The following MYPN variants were observed in gnomAD, a reference collection of about 807,000 sequenced individuals.
MYPN encodes the protein myopalladin.
In MYPN, 63 loss-of-function variants were observed where a neutral mutation model predicts 129.4. That is an observed-to-expected ratio of 0.49 (90% confidence interval 0.40 to 0.60). The LOEUF (loss-of-function observed/expected upper bound fraction) is 0.60. Among genes scored for constraint, MYPN ranks in the 20% least tolerant of loss-of-function variants. The probability of loss-of-function intolerance (pLI) is 0.00; values close to 1 mark genes in which losing one functional copy is unlikely to be tolerated. For missense variants in MYPN, 1,596 were observed against 1,635.4 expected (o/e 0.98, Z 0.42); for synonymous variants, 629 against 600.9 (o/e 1.05, Z -0.68).
intron 19 of MYPN, among the ~76,000 whole-genome samples, chr10:68,208,020 TTC>T (rs1169307909): frequency 6.6e-6 from 1 of 152,228 alleles, no homozygotes; most frequent in Non-Finnish European, 1.5e-5. Flanking sequence ...TTTGCATTGT[TTC>T]TTTGAACCAC....
chr10:68,199,742 G>A (rs918773123), intron 17 of MYPN, among the ~76,000 whole-genome samples, 167 bp downstream of exon 17: 2 of 152,066 alleles, frequency 1.3e-5, no homozygotes, highest in African/African-American at 2.4e-5. Flanking sequence ...TCAAAAACAT[G>A]CCAGTAATCT....
intron 3 of MYPN, 146 bp downstream of exon 3, chr10:68,143,261 G>C: frequency 1.4e-6 from 1 of 713,100 alleles, no homozygotes; most frequent in South Asian, 1.8e-5. Context: ...AAAATACTTA[G>C]GCTCATTTAC....
chr10:68,113,426 T>C (rs1012569126), intron 1 of MYPN, among the ~76,000 whole-genome samples: 1 of 152,200 alleles, frequency 6.6e-6, no homozygotes, highest in African/African-American at 2.4e-5. Flanking sequence ...CTAGGTGCGG[T>C]GGCTCATGCC....
intron 1 of MYPN, among the ~76,000 whole-genome samples, chr10:68,112,735 T>G (rs1383207915): frequency 1.3e-5 from 2 of 152,244 alleles, no homozygotes. Flanking sequence ...CCTCAAGTTC[T>G]TACTCTGGTA....
In MYPN at chr10:68,148,384, C is replaced by T. The variant is rs202210122; in HGVS notation, c.1162C>T (p.Pro388Ser). Residue 388 changes from proline (P) to serine (S), a missense_variant, in exon 5 of 20, where the codon CCC (proline) becomes TCC (serine). Coordinates refer to ENST00000358913, the MANE Select transcript of MYPN (RefSeq NM_032578.4). ...GAAGCCAAATGAGGTGTCATCTCCT[C>T]CCACTACCTCTGCAGTCATTCCTCC... ...IQKPNEVSSP[P>S]TTSAVIPPAV... is the part of the protein sequence containing the mutation. The T allele has an allele frequency of 6.2e-7, 1 of 1,614,060 alleles. No homozygotes were observed. Among genetic ancestry groups the T allele is most frequent in the African/African-American group, 1.3e-5 (1 of 75,016 alleles).
chr10:68,141,084 A>G (rs1325499308), intron 2 of MYPN, among the ~76,000 whole-genome samples: 1 of 151,638 alleles, frequency 6.6e-6, no homozygotes, highest in Non-Finnish European at 1.5e-5. Context: ...CCCCCCCAAA[A>G]AAAGGGCCAG....
intron 1 of MYPN, among the ~76,000 whole-genome samples, chr10:68,117,359 A>G (rs536472927): frequency 1.3e-5 from 2 of 152,276 alleles, no homozygotes; most frequent in East Asian, 3.9e-4. Context: ...TACAAAACAT[A>G]GTGAAGGAGA....
At chr10:68,122,549 T>C (rs569408530) in intron 2 of MYPN, among the ~76,000 whole-genome samples, 44 of 152,258 alleles carry the variant, frequency 2.9e-4, no homozygotes, top group African/African-American at 1.0e-3. Context: ...TTTTAAAAAC[T>C]AAAAAGAACC....
intron 2 of MYPN, among the ~76,000 whole-genome samples, chr10:68,132,301 A>G (rs185632084): frequency 3.3e-5 from 5 of 152,288 alleles, no homozygotes; most frequent in African/African-American, 1.2e-4. Context: ...TATTGATTTT[A>G]TAATGTTAAA....
chr10:68,172,233 T>A (rs1307754613), intron 10 of MYPN, among the ~76,000 whole-genome samples: 1 of 152,116 alleles, frequency 6.6e-6, no homozygotes, highest in Non-Finnish European at 1.5e-5. Context: ...CACGCACCTG[T>A]GGTCCCAGCT....
intron 2 of MYPN, among the ~76,000 whole-genome samples, chr10:68,133,505 C>G (rs997164131): frequency 6.6e-6 from 1 of 151,762 alleles, no homozygotes; most frequent in African/African-American, 2.4e-5. Flanking sequence ...GGTGAAGAAC[C>G]CTGAAGCTTC....
At chr10:68,119,413 ATTTAT>A (rs1418416984) in intron 1 of MYPN, among the ~76,000 whole-genome samples, 1 of 149,942 alleles carries the variant, frequency 6.7e-6, no homozygotes, top group Non-Finnish European at 1.5e-5. Flanking sequence ...TTATTTATTT[ATTTAT>A]TTATTTATTG....
In MYPN at chr10:68,204,314, C is replaced by T. The variant is rs140491809; in HGVS notation, c.3659+2320C>T. ...TTACAAACAAATGCATGAATTTCCA[C>T]GGCTATTGCCTCACCTCACTAAACT... is the stretch of plus-strand genomic sequence containing the variant. On this transcript the variant is annotated intron_variant, in intron 18 of 19. Transcript: ENST00000358913. 3.3e-3 allele frequency among the ~76,000 whole-genome samples: 496 copies of T among 152,348 alleles called. 3 individuals carry two copies. The highest frequency in any genetic ancestry group is 0.011 in the African/African-American group (461 of 41,580).
rs746600159 is a variant in MYPN, at chr10:68,210,297, C to G, written c.3805C>G (p.His1269Asp). ...ARLDIYAQWHHQIPPPMSVRP... is the reference protein window; with the variant it reads ...ARLDIYAQWHDQIPPPMSVRP... ...GGTCCATTTTCCAGCTCAGTGGCAC[C>G]ATCAGATCCCACCGCCCATGTCTGT... Residue 1269 changes from histidine to aspartate, a missense_variant, in exon 20 of 20, where the codon CAT becomes GAT. Physicochemically the swap from His to Asp is moderately conservative, Grantham distance 81. Coordinates refer to ENST00000358913, the MANE Select transcript of MYPN (RefSeq NM_032578.4). 4 of 1,613,540 alleles carry G rather than the reference C, an allele frequency of 2.5e-6. No individual in the cohort carries two copies. The Admixed American group carries it at 6.7e-5, about 27-fold the overall frequency.
chr10:68,139,654 A>G (rs896918423), intron 2 of MYPN, among the ~76,000 whole-genome samples: 4 of 152,226 alleles, frequency 2.6e-5, no homozygotes, highest in African/African-American at 9.6e-5. Flanking sequence ...TGGGAGATTT[A>G]TGAACCCATT....
chr10:68,170,870 C>T (rs949903986), intron 10 of MYPN, among the ~76,000 whole-genome samples: 8 of 151,996 alleles, frequency 5.3e-5, no homozygotes, highest in African/African-American at 9.7e-5. Context: ...TAACCCCGGC[C>T]GGGCATGGTG....
At chr10:68,168,521 A>C (rs986144457) in intron 10 of MYPN, among the ~76,000 whole-genome samples, 3 of 152,202 alleles carry the variant, frequency 2.0e-5, no homozygotes, top group Non-Finnish European at 4.4e-5. Flanking sequence ...AGTGCACCCA[A>C]GGCAGTCAGG....
At chr10:68,200,104 A>G (rs927460088) in intron 17 of MYPN, among the ~76,000 whole-genome samples, 3 of 152,186 alleles carry the variant, frequency 2.0e-5, no homozygotes, top group African/African-American at 7.2e-5. Context: ...CATAGCACTC[A>G]GAAAAGGAGA....
chr10:68,113,824 A>G (rs2042115169), intron 1 of MYPN, among the ~76,000 whole-genome samples: 1 of 152,224 alleles, frequency 6.6e-6, no homozygotes, highest in Non-Finnish European at 1.5e-5. Flanking sequence ...CTGTATGTAT[A>G]CATTTTGCAA....
Sources: allele counts gnomAD v4.1 joint callset (sites outside exome capture counted in the v4.1 genomes callset), GRCh38; gene constraint gnomAD v4.1.1; transcripts MANE v1.5; gene names NCBI Gene and HGNC (gene_info 2026-07-23, HGNC 2026-07-21).